The following RAD51B variants were observed in gnomAD, a reference collection of about 807,000 sequenced individuals.
RAD51B encodes the protein DNA repair protein RAD51 homolog 2.
RAD51B carries 38 observed loss-of-function variants against 42.2 expected under a neutral mutation model. The observed-to-expected ratio is 0.90, with a 90% CI of 0.70 to 1.18. RAD51B has a LOEUF of 1.18. Ranked by LOEUF, RAD51B falls within the 50% of genes most tolerant of loss-of-function variation. The pLI is 0.00. For synonymous variants in RAD51B, 154 were observed against 145.2 expected (o/e 1.06, Z -0.43); for missense variants, 373 against 400.7 (o/e 0.93, Z 0.59).
chr14:68,135,239 T>C (rs777594727), intron 7 of RAD51B, among the ~76,000 whole-genome samples: 1 of 152,110 alleles, frequency 6.6e-6, no homozygotes, highest in Non-Finnish European at 1.5e-5. Context: ...TCATTTTGAG[T>C]TTCAGCAAGA....
chr14:68,314,078 C>G (rs2082011651), intron 8 of RAD51B, among the ~76,000 whole-genome samples: 1 of 152,198 alleles, frequency 6.6e-6, no homozygotes, highest in South Asian at 2.1e-4. Flanking sequence ...AATTCCTCCT[C>G]CTACTTCCTC....
intron 8 of RAD51B, among the ~76,000 whole-genome samples, chr14:68,332,715 C>T (rs1385234990): frequency 1.3e-5 from 2 of 152,116 alleles, no homozygotes; most frequent in African/African-American, 2.4e-5. Context: ...ATTTCCCCCT[C>T]TTTCCCTGAA....
chr14:68,675,918 G>A (rs1893293667), intron 11 of RAD51B, among the ~76,000 whole-genome samples: 1 of 152,186 alleles, frequency 6.6e-6, no homozygotes, highest in Non-Finnish European at 1.5e-5. Context: ...GAGCCTTGGA[G>A]TGCTTATGGC....
rs965913991 is a variant in RAD51B at position 68,459,557 on chromosome 14, G to A, written c.958-8615G>A. 3.3e-5 allele frequency among the ~76,000 whole-genome samples: 5 copies of A among 152,200 alleles called. No individual in the cohort carries two copies. The East Asian group carries it at 7.7e-4, about 23-fold the overall frequency. ...TTTCTCGACAGGACCCTTGCATGCA[G>A]ATGAAAAGCATCAGACACATTCAAC... On this transcript the variant is annotated intron_variant, in intron 9 of 10. Coordinates refer to ENST00000471583, the MANE Select transcript of RAD51B (RefSeq NM_133510.4).
At chr14:68,178,366 T>G (rs1389016381) in intron 7 of RAD51B, among the ~76,000 whole-genome samples, 1 of 152,192 alleles carries the variant, frequency 6.6e-6, no homozygotes, top group Admixed American at 6.5e-5. Context: ...TTACAGTGTG[T>G]TATGCATACT....
intron 10 of RAD51B, chr14:68,497,584 G>A (rs1321628832): frequency 1.0e-6 from 1 of 970,012 alleles, no homozygotes; most frequent in East Asian, 5.2e-5. Context: ...ACAATTCCGT[G>A]GCAACTAGAT....
intron 8 of RAD51B, among the ~76,000 whole-genome samples, chr14:68,314,115 CAG>C (rs2082012342): frequency 6.6e-6 from 1 of 152,192 alleles, no homozygotes; most frequent in East Asian, 1.9e-4. Context: ...AGGGTTTGAT[CAG>C]AGTCATTCTC....
At chr14:68,600,643 G>T (rs1180085371), downstream of RAD51B, among the ~76,000 whole-genome samples, 1 of 152,108 alleles carries the variant, frequency 6.6e-6, no homozygotes, top group African/African-American at 2.4e-5. Context: ...TCCTTTCATG[G>T]CCTGATAAAA....
chr14:67,984,461 T>C (rs2075149236), intron 7 of RAD51B, among the ~76,000 whole-genome samples: 1 of 152,200 alleles, frequency 6.6e-6, no homozygotes, highest in South Asian at 2.1e-4. Flanking sequence ...TTCCTTCTTG[T>C]TTTTTATATT....
intron 10 of RAD51B, among the ~76,000 whole-genome samples, chr14:68,626,455 C>T (rs1892083871): frequency 6.6e-6 from 1 of 152,220 alleles, no homozygotes; most frequent in African/African-American, 2.4e-5. Context: ...GTTGACTGGG[C>T]TCAGCTCACT....
At chr14:68,411,324 T>A in intron 8 of RAD51B, 100 bp from the exon 9 acceptor site, 1 of 951,684 alleles carries the variant, frequency 1.1e-6, no homozygotes, top group South Asian at 1.4e-5. Context: ...AGCCTCCAAG[T>A]ACTCTCTGGA....
chr14:68,535,122 T>A (rs917877048), intron 10 of RAD51B, among the ~76,000 whole-genome samples: 2 of 152,150 alleles, frequency 1.3e-5, no homozygotes, highest in African/African-American at 4.8e-5. Flanking sequence ...CCAAATTACC[T>A]CACCTTTTCA....
rs1266089838 is a variant in RAD51B at position 68,061,645 on chromosome 14, T to A, written c.756+174441T>A. Among the ~76,000 whole-genome samples, 4 of 152,194 alleles carry A rather than the reference T, an allele frequency of 2.6e-5. No individual in the cohort carries two copies. In the East Asian group the frequency reaches 7.7e-4, roughly 29 times the overall value. On this transcript the variant is annotated intron_variant, in intron 7 of 10. Coordinates refer to ENST00000471583, the MANE Select transcript of RAD51B (RefSeq NM_133510.4). ...AAGTTTATTCCTAGGTATTTTATTT[T>A]ATTTTATAGCTACTGTAAATGGGAT... is the stretch of plus-strand genomic sequence containing the variant.
chr14:68,607,877 C>T (rs10131921), intron 10 of RAD51B, among the ~76,000 whole-genome samples: 43 of 152,256 alleles, frequency 2.8e-4, no homozygotes, highest in Admixed American at 1.2e-3. Flanking sequence ...GGCCCTACAT[C>T]GTGCCCCTTC....
At position 68,467,520 on chromosome 14, in the gene RAD51B, A is replaced by G. The variant is rs143662362; in HGVS notation, c.958-652A>G. On this transcript the variant is annotated intron_variant, in intron 9 of 10. Coordinates refer to ENST00000471583, the MANE Select transcript of RAD51B (RefSeq NM_133510.4). ...AGCATGGACATATTTTTCTCTGACA[A>G]TGGCACAAACGTTAAGAGAACAACT... Among the ~76,000 whole-genome samples the G allele has an allele frequency of 2.4e-4, 36 of 152,370 alleles. No homozygotes were observed. The East Asian group carries it at 6.9e-3, about 29-fold the overall frequency.
At chr14:67,932,987 T>C (rs1039865748) in intron 7 of RAD51B, among the ~76,000 whole-genome samples, 15 of 152,198 alleles carry the variant, frequency 9.9e-5, no homozygotes, top group African/African-American at 3.6e-4. Flanking sequence ...TGTGTAAACC[T>C]GAGCACAGAG....
At chr14:68,014,933 C>A (rs1441142359) in intron 7 of RAD51B, among the ~76,000 whole-genome samples, 2 of 151,142 alleles carry the variant, frequency 1.3e-5, no homozygotes, top group Non-Finnish European at 2.9e-5. Context: ...CAAACCCTAC[C>A]CACTAGGGCC....
At chr14:68,202,769 A>G (rs1462301754) in intron 7 of RAD51B, among the ~76,000 whole-genome samples, 1 of 151,294 alleles carries the variant, frequency 6.6e-6, no homozygotes, top group Admixed American at 6.6e-5. Context: ...TTTAGTAGAG[A>G]CGGGGTTTCT....
chr14:68,379,214 C>G (rs2083432068), intron 8 of RAD51B, among the ~76,000 whole-genome samples: 1 of 152,122 alleles, frequency 6.6e-6, no homozygotes, highest in African/African-American at 2.4e-5. Flanking sequence ...CATAAAGGAA[C>G]TCAATAAATA....
Sources: gnomAD v4.1 joint callset for allele counts (sites outside exome capture counted in the v4.1 genomes callset) on GRCh38, gnomAD v4.1.1 for gene constraint, MANE v1.5 for transcripts, NCBI Gene and HGNC (gene_info 2026-07-23, HGNC 2026-07-21) for gene names.